Variants in SENP7 observed in about 807,000 individuals in gnomAD.
SENP7 encodes SUMO specific peptidase 7, also known as sentrin-specific protease 7.
SENP7 carries 64 observed loss-of-function variants against 141.2 expected under a neutral mutation model. That is an observed-to-expected ratio of 0.45 (90% CI 0.37 to 0.56). The LOEUF is 0.56. Among genes scored for constraint, SENP7 ranks in the 20% least tolerant of loss-of-function variants. The probability of loss-of-function intolerance (pLI) is 0.00; values close to 1 mark genes in which losing one functional copy is unlikely to be tolerated. For synonymous variants in SENP7, 382 were observed against 426.4 expected (o/e 0.90, Z 1.28); for missense variants, 1,025 against 1,212.2 (o/e 0.85, Z 2.29).
intron 7 of SENP7, among the ~76,000 whole-genome samples, chr3:101,370,283 G>A (rs1264241620): frequency 6.6e-6 from 1 of 152,084 alleles, no homozygotes; most frequent in Non-Finnish European, 1.5e-5. Context: ...AGGACTGTTA[G>A]TCCTCACATT....
chr3:101,502,142 T>C (rs2065407193), intron 1 of SENP7, among the ~76,000 whole-genome samples: 1 of 152,204 alleles, frequency 6.6e-6, no homozygotes, highest in Non-Finnish European at 1.5e-5. Context: ...TTCATTAAAA[T>C]TAAGAACTTC....
chr3:101,394,725 A>AAT (rs2060918826), intron 6 of SENP7, among the ~76,000 whole-genome samples: 2 of 151,592 alleles, frequency 1.3e-5, no homozygotes, highest in African/African-American at 4.8e-5. Context: ...AAATCTCCAT[A>AAT]CTGCTTTCCA....
chr3:101,489,500 G>C (rs1053176922), intron 3 of SENP7, among the ~76,000 whole-genome samples: 2 of 116,054 alleles, frequency 1.7e-5, no homozygotes, highest in Non-Finnish European at 3.9e-5. Flanking sequence ...AAAAGAGCAG[G>C]AGCCACTATT....
chr3:101,349,300 C>A (rs1171897980), intron 12 of SENP7, among the ~76,000 whole-genome samples: 2 of 152,190 alleles, frequency 1.3e-5, no homozygotes, highest in African/African-American at 4.8e-5. Context: ...CTCAGCATTT[C>A]TTTCTCATGA....
rs138263501 is a variant in SENP7 at position 101,504,634 on chromosome 3, A to AT, written c.41-3516dup. ...GTCAATTTTAAATTTAACAAAACAC[A>AT]TATCTACATATACACAATGGAATAC... On this transcript the variant is annotated intron_variant, in intron 1 of 23. Coordinates refer to ENST00000394095, the MANE Select transcript of SENP7 (RefSeq NM_020654.5). Among the ~76,000 whole-genome samples the AT allele has an allele frequency of 1.2e-3, 185 of 152,346 alleles. 2 individuals are homozygous for AT. In the East Asian group the frequency reaches 0.016, roughly 13 times the overall value.
chr3:101,368,238 G>A (rs1420538552), intron 7 of SENP7, among the ~76,000 whole-genome samples: 2 of 151,560 alleles, frequency 1.3e-5, no homozygotes, highest in African/African-American at 4.9e-5. Flanking sequence ...TGTGAGGTGA[G>A]AAAAATATAT....
At chr3:101,364,451 C>A (rs150898586) in intron 10 of SENP7, among the ~76,000 whole-genome samples, 15 of 152,236 alleles carry the variant, frequency 9.9e-5, no homozygotes, top group African/African-American at 3.6e-4. Context: ...TATCATACTG[C>A]CTTCATAGTA....
chr3:101,359,867 T>A (rs1440970305), intron 11 of SENP7, among the ~76,000 whole-genome samples: 1 of 151,958 alleles, frequency 6.6e-6, no homozygotes. Context: ...TTTTGCTTGA[T>A]CTTGGTTTTT....
chr3:101,336,311 A>G (rs1263481798), intron 17 of SENP7, among the ~76,000 whole-genome samples: 1 of 152,184 alleles, frequency 6.6e-6, no homozygotes, highest in Non-Finnish European at 1.5e-5. Flanking sequence ...AAATTCAAGC[A>G]GTTTATCCAT....
At chr3:101,485,042 T>TAC in intron 3 of SENP7, among the ~76,000 whole-genome samples, 1 of 151,904 alleles carries the variant, frequency 6.6e-6, no homozygotes, top group South Asian at 2.1e-4. Flanking sequence ...ATAATCCTCC[T>TAC]AGGTACCCAA....
intron 3 of SENP7, among the ~76,000 whole-genome samples, chr3:101,461,622 G>A (rs1417948162): frequency 6.6e-6 from 1 of 151,118 alleles, no homozygotes; most frequent in Non-Finnish European, 1.5e-5. Flanking sequence ...GCAGTTCCTC[G>A]ATAACTTAAA....
At chr3:101,468,844 A>G (rs910273424) in intron 3 of SENP7, among the ~76,000 whole-genome samples, 3 of 152,226 alleles carry the variant, frequency 2.0e-5, no homozygotes, top group Non-Finnish European at 4.4e-5. Context: ...ACAGGATCAA[A>G]TTCACACTAA....
intron 4 of SENP7, among the ~76,000 whole-genome samples, chr3:101,441,085 G>T (rs1696488047): frequency 1.3e-5 from 2 of 152,058 alleles, no homozygotes; most frequent in Non-Finnish European, 2.9e-5. Flanking sequence ...AGTGAGACCT[G>T]CCTACTCCAA....
At chr3:101,396,150 T>A in intron 6 of SENP7, among the ~76,000 whole-genome samples, 1 of 152,184 alleles carries the variant, frequency 6.6e-6, no homozygotes, top group Non-Finnish European at 1.5e-5. Context: ...ACTAAGGGAA[T>A]GAATTTTCAA....
intron 4 of SENP7, 60 bp from the exon 5 acceptor site, chr3:101,417,850 C>A: frequency 7.8e-7 from 1 of 1,289,768 alleles, no homozygotes; most frequent in Non-Finnish European, 1.1e-6. Context: ...TACATGAATT[C>A]ATCACAAACT....
chr3:101,495,689 A>G (rs2065134128), intron 2 of SENP7, among the ~76,000 whole-genome samples: 1 of 152,176 alleles, frequency 6.6e-6, no homozygotes, highest in South Asian at 2.1e-4. Context: ...TTTAAGTGGG[A>G]GCTGAATGAT....
intron 4 of SENP7, among the ~76,000 whole-genome samples, chr3:101,432,353 C>T (rs1440132708): frequency 6.6e-6 from 1 of 152,198 alleles, no homozygotes; most frequent in Non-Finnish European, 1.5e-5. Flanking sequence ...TGACCAAGGG[C>T]TTGGGAGATC....
rs531325970 is a variant in SENP7 at position 101,491,053 on chromosome 3, GA to G, written c.186+2819del. On this transcript the variant is annotated intron_variant, in intron 3 of 23. Transcript: ENST00000394095. ...AATATGCTTTTTTCTAGAAATAAATGAAAAAAACTCATTAATAGTGGTTGCC... is the reference window on the plus strand; with the variant it reads ...AATATGCTTTTTTCTAGAAATAAATGAAAAAACTCATTAATAGTGGTTGCC... 4.9e-4 allele frequency among the ~76,000 whole-genome samples: 73 copies of G among 149,318 alleles called. No individual in the cohort carries two copies. In the East Asian group the frequency reaches 9.2e-3, roughly 19 times the overall value.
chr3:101,500,340 A>G (rs370510589), intron 2 of SENP7, among the ~76,000 whole-genome samples: 2 of 152,214 alleles, frequency 1.3e-5, no homozygotes, highest in South Asian at 2.1e-4. Flanking sequence ...GGATTGCTTG[A>G]GGCCAGGAAT....
Sources: gnomAD v4.1 joint callset for allele counts (sites outside exome capture counted in the v4.1 genomes callset) on GRCh38, gnomAD v4.1.1 for gene constraint, MANE v1.5 for transcripts, NCBI Gene and HGNC (gene_info 2026-07-23, HGNC 2026-07-21) for gene names.